The following DLG2 variants were observed in gnomAD, a reference collection of about 807,000 sequenced individuals.
The protein encoded by DLG2 is discs large MAGUK scaffold protein 2, also known as disks large homolog 2.
A neutral mutation model predicts 132.5 loss-of-function variants in DLG2; 45 were observed. The ratio of observed to expected loss-of-function variants is 0.34; its 90% CI spans 0.27 to 0.44. DLG2 has a LOEUF of 0.44. Among genes scored for constraint, DLG2 ranks in the 20% least tolerant of loss-of-function variants. The pLI is 1.00. For synonymous variants in DLG2, 424 were observed against 419.6 expected (o/e 1.01, Z -0.13); for missense variants, 1,045 against 1,196.9 (o/e 0.87, Z 1.87).
At chr11:85,612,342 G>C (rs1277968886) in intron 2 of DLG2, among the ~76,000 whole-genome samples, 1 of 152,188 alleles carries the variant, frequency 6.6e-6, no homozygotes, top group Non-Finnish European at 1.5e-5. Flanking sequence ...GACCTAGGAG[G>C]AACTCCCTTC....
At chr11:84,574,203 C>T (rs2099493057) in intron 6 of DLG2, among the ~76,000 whole-genome samples, 1 of 152,118 alleles carries the variant, frequency 6.6e-6, no homozygotes, top group Admixed American at 6.5e-5. Context: ...AGGCAGATAT[C>T]ATTCCCAAAA....
chr11:83,944,430 A>G (rs2083339794), intron 14 of DLG2, among the ~76,000 whole-genome samples: 1 of 152,218 alleles, frequency 6.6e-6, no homozygotes, highest in African/African-American at 2.4e-5. Context: ...ACAGATGACT[A>G]GTCATGAAGC....
intron 7 of DLG2, among the ~76,000 whole-genome samples, chr11:84,336,015 C>G (rs2098482987): frequency 6.6e-6 from 1 of 152,166 alleles, no homozygotes; most frequent in South Asian, 2.1e-4. Context: ...TAATTCACAG[C>G]ATAACATGCA....
chr11:85,205,140 G>A (rs114250091), intron 4 of DLG2, among the ~76,000 whole-genome samples: 8,177 of 144,576 alleles, frequency 0.057, 285 homozygotes, highest in East Asian at 0.095. Context: ...TCATATATAT[G>A]TGTGTGTATA....
chr11:85,228,785 C>T (rs1387669589), intron 4 of DLG2, among the ~76,000 whole-genome samples: 1 of 151,550 alleles, frequency 6.6e-6, no homozygotes, highest in Non-Finnish European at 1.5e-5. Context: ...ATATGACAGT[C>T]TCTGACTTTT....
intron 6 of DLG2, among the ~76,000 whole-genome samples, chr11:84,653,040 C>T (rs1455184271): frequency 6.6e-6 from 1 of 151,760 alleles, no homozygotes; most frequent in Non-Finnish European, 1.5e-5. Context: ...CAAGTGATTC[C>T]TGCCTCAGCC....
intron 6 of DLG2, among the ~76,000 whole-genome samples, chr11:84,612,890 T>C (rs1164673062): frequency 6.6e-6 from 1 of 152,160 alleles, no homozygotes; most frequent in Non-Finnish European, 1.5e-5. Flanking sequence ...GTGGCTGTGA[T>C]TTGAGTCCAG....
At chr11:84,868,048 T>G (rs1455793787) in intron 6 of DLG2, among the ~76,000 whole-genome samples, 1 of 151,124 alleles carries the variant, frequency 6.6e-6, no homozygotes, top group Non-Finnish European at 1.5e-5. Flanking sequence ...CACTCCAGCC[T>G]GGGCAACAAA....
intron 6 of DLG2, among the ~76,000 whole-genome samples, chr11:84,566,581 G>A (rs2099456887): frequency 1.3e-5 from 2 of 152,104 alleles, no homozygotes; most frequent in African/African-American, 4.8e-5. Context: ...AAGCACTAAG[G>A]TTAAAAGGCT....
intron 6 of DLG2, among the ~76,000 whole-genome samples, chr11:84,932,786 T>G (rs978727458): frequency 1.3e-5 from 2 of 152,166 alleles, no homozygotes; most frequent in Non-Finnish European, 2.9e-5. Context: ...GTTGGTTCTA[T>G]GACTTTGCTA....
At chr11:85,045,028 A>G (rs2062205181) in intron 6 of DLG2, among the ~76,000 whole-genome samples, 1 of 151,996 alleles carries the variant, frequency 6.6e-6, no homozygotes, top group African/African-American at 2.4e-5. Flanking sequence ...AAGTAGGATG[A>G]ATTATTTGAC....
chr11:84,650,816 C>T (rs1247379459), intron 6 of DLG2, among the ~76,000 whole-genome samples: 1 of 140,318 alleles, frequency 7.1e-6, no homozygotes, highest in Non-Finnish European at 1.6e-5. Flanking sequence ...ATGGATTTTA[C>T]CATAACAGAA....
chr11:84,748,981 CA>C, intron 6 of DLG2, among the ~76,000 whole-genome samples: 1 of 151,976 alleles, frequency 6.6e-6, no homozygotes. Context: ...CCAGCCTGGA[CA>C]AAACAGCAAC....
In DLG2 at chr11:83,740,633, T is replaced by C. The variant is rs575078886; in HGVS notation, c.1825+46057A>G. On this transcript the variant is annotated intron_variant, in intron 18 of 27. Coordinates refer to ENST00000376104, the MANE Select transcript of DLG2 (RefSeq NM_001142699.3). Reference sequence around the variant, plus strand: ...TCTGATTTGTGCATTTTCCTGTCTATATGCTATCAATACAAATTTTATGAA... The same window carrying C: ...TCTGATTTGTGCATTTTCCTGTCTACATGCTATCAATACAAATTTTATGAA... 4.6e-5 allele frequency among the ~76,000 whole-genome samples: 7 copies of C among 152,324 alleles called. No homozygotes were observed. The South Asian group carries it at 1.5e-3, about 32-fold the overall frequency.
chr11:84,945,006 C>T (rs899239337), intron 6 of DLG2, among the ~76,000 whole-genome samples: 11 of 152,204 alleles, frequency 7.2e-5, no homozygotes, highest in South Asian at 2.1e-4. Context: ...TGAAAGGTCA[C>T]GTATCTCTGT....
chr11:84,592,317 C>G (rs1175735507), intron 6 of DLG2, among the ~76,000 whole-genome samples: 1 of 152,100 alleles, frequency 6.6e-6, no homozygotes, highest in East Asian at 1.9e-4. Flanking sequence ...AAAGTATGAG[C>G]AATGAGAAAG....
intron 6 of DLG2, among the ~76,000 whole-genome samples, chr11:84,656,563 C>T (rs1428536033): frequency 6.6e-6 from 1 of 152,128 alleles, no homozygotes; most frequent in East Asian, 1.9e-4. Flanking sequence ...TATTCTGCAA[C>T]TATGTTTGGG....
At chr11:83,713,922 TC>T (rs1377987854) in intron 18 of DLG2, among the ~76,000 whole-genome samples, 1 of 152,162 alleles carries the variant, frequency 6.6e-6, no homozygotes, top group Non-Finnish European at 1.5e-5. Flanking sequence ...AGATGTCTTT[TC>T]AGCAGAGAAT....
chr11:85,199,568 A>T (rs2081300449), intron 4 of DLG2, among the ~76,000 whole-genome samples: 1 of 152,210 alleles, frequency 6.6e-6, no homozygotes, highest in Non-Finnish European at 1.5e-5. Context: ...TATTCTAAAT[A>T]TTAATTCTGA....
Sources: gnomAD v4.1 joint callset for allele counts (sites outside exome capture counted in the v4.1 genomes callset) on GRCh38, gnomAD v4.1.1 for gene constraint, MANE v1.5 for transcripts, NCBI Gene and HGNC (gene_info 2026-07-23, HGNC 2026-07-21) for gene names.